Variants in VRK3 observed in about 807,000 individuals in gnomAD.
VRK3 encodes serine/threonine-protein kinase VRK3.
VRK3 carries 50 observed loss-of-function variants against 60.4 expected under a neutral mutation model. The ratio of observed to expected loss-of-function variants is 0.83; its 90% CI spans 0.66 to 1.05. The LOEUF (loss-of-function observed/expected upper bound fraction) is 1.05, where lower values mean the gene tolerates loss of function less well. Among genes scored for constraint, VRK3 ranks in the 50% least tolerant of loss-of-function variants. The pLI, the probability that VRK3 is intolerant of heterozygous loss-of-function variation, is 0.00. For missense variants in VRK3, 549 were observed against 585.3 expected (o/e 0.94, Z 0.64); for synonymous variants, 246 against 227.8 (o/e 1.08, Z -0.72).
intron 4 of VRK3, among the ~76,000 whole-genome samples, chr19:50,008,090 G>A (rs559829351): frequency 1.3e-5 from 2 of 152,242 alleles, no homozygotes; most frequent in South Asian, 2.1e-4. Flanking sequence ...TCTGAGACAG[G>A]GCAGTACAGA....
At chr19:49,995,413 G>T in intron 7 of VRK3, 138 bp from the exon 8 acceptor site, 1 of 702,214 alleles carries the variant, frequency 1.4e-6, no homozygotes, top group Non-Finnish European at 2.5e-6. Context: ...CATTGTGGGT[G>T]GGTGATGGTG....
Position 49,992,879 on chromosome 19 carries a change from T to G in VRK3, c.944A>C (p.Asp315Ala). 6.2e-7 allele frequency: 1 copy of G among 1,614,102 alleles called. No individual in the cohort carries two copies. The highest frequency in any genetic ancestry group is 8.5e-7 in the Non-Finnish European group (1 of 1,180,032). Residue 315 changes from aspartate (D) to alanine (A), a missense_variant, in exon 10 of 15, where the codon GAT (aspartate) becomes GCT (alanine). Transcript: ENST00000316763. Reference protein sequence around the residue: ...GNVTAENIFVDPEDQSQVTLA... With the variant: ...GNVTAENIFVAPEDQSQVTLA... Reference sequence around the variant, plus strand: ...TCTTACCTGACTCTGGTCCTCTGGATCCACAAAGATATTTTCAGCTGTCAC... The same window carrying G: ...TCTTACCTGACTCTGGTCCTCTGGAGCCACAAAGATATTTTCAGCTGTCAC...
At chr19:49,983,644 G>A (rs911990141) in intron 12 of VRK3, among the ~76,000 whole-genome samples, 1 of 152,224 alleles carries the variant, frequency 6.6e-6, no homozygotes, top group Non-Finnish European at 1.5e-5. Flanking sequence ...AGAAAGCCTC[G>A]GGGACTTCAA....
intron 12 of VRK3, among the ~76,000 whole-genome samples, chr19:49,982,395 G>A (rs924181088): frequency 1.3e-5 from 2 of 152,112 alleles, no homozygotes; most frequent in African/African-American, 2.4e-5. Context: ...CTCCTGTCTC[G>A]GCCTCCCAAA....
rs762441852 is a variant in VRK3 at position 49,989,640 on chromosome 19, G to A, written c.1095C>T (p.Cys365=). The A allele has an allele frequency of 3.9e-5, 62 of 1,605,316 alleles. 1 individual carries two copies. The South Asian group carries it at 4.6e-4, about 12-fold the overall frequency. The change falls in exon 11 of 15, where the codon TGC becomes TGT. Residue 365 remains cysteine (C), a splice_region_variant and synonymous_variant. Transcript: ENST00000316763. ...EFISMDLHKG[C]GPSRRSDLQS... is the part of the protein sequence containing the mutation. The stretch of plus-strand genomic sequence containing the variant: ...CCAAACCCATCCCTGGCCTCGTACC[G>A]CATCCCTTGTGCAGGTCCATGCTAA...
rs15983 is a variant in VRK3 at position 49,979,223 on chromosome 19, C to T, written c.1296G>A (p.Leu432=). Residue 432 remains leucine, a synonymous_variant, in exon 14 of 15, where the codon CTG becomes CTA. Coordinates refer to ENST00000316763, the MANE Select transcript of VRK3 (RefSeq NM_016440.4). The part of the protein sequence containing the change: ...IRPSETLQKY[L]KVVMALTYEE... ...CATACGTGAGGGCCATCACCACCTT[C>T]AGGTACTTCTGCAGGGTCTCTGTGG... The T allele has an allele frequency of 0.01, 16,153 of 1,614,028 alleles. 1,413 individuals are homozygous for T. The African/African-American group carries it at 0.19, about 19-fold the overall frequency.
chr19:49,983,441 G>C (rs1324226685), intron 12 of VRK3, among the ~76,000 whole-genome samples: 1 of 152,194 alleles, frequency 6.6e-6, no homozygotes, highest in Non-Finnish European at 1.5e-5. Context: ...TAGGTCCACA[G>C]ATGTCCCATG....
At position 50,015,853 on chromosome 19, in the gene VRK3, A is replaced by G. The variant is rs962278487; in HGVS notation, c.139+171T>C. On this transcript the variant is annotated intron_variant, in intron 3 of 14. Coordinates refer to ENST00000316763, the MANE Select transcript of VRK3 (RefSeq NM_016440.4). ...GACAGTGTTCAAAGCCATGAGGCCAATAAGAGGCCAAGAGACTGATGGTAG... is the reference window on the plus strand; with the variant it reads ...GACAGTGTTCAAAGCCATGAGGCCAGTAAGAGGCCAAGAGACTGATGGTAG... The G allele has an allele frequency of 1.1e-5, 9 of 815,526 alleles. No individual in the cohort carries two copies. The African/African-American group carries it at 1.2e-4, about 11-fold the overall frequency. 50.5% of individuals were successfully genotyped at this position (815,526 alleles called of 1,614,324 possible).
chr19:49,991,213 G>A (rs2076605942), intron 10 of VRK3, among the ~76,000 whole-genome samples: 1 of 152,166 alleles, frequency 6.6e-6, no homozygotes, highest in Admixed American at 6.5e-5. Context: ...GGGGTTTGTA[G>A]ACTGAGCAAG....
chr19:49,982,690 TAGTG>T (rs561745079), intron 12 of VRK3, among the ~76,000 whole-genome samples: 42 of 152,348 alleles, frequency 2.8e-4, no homozygotes, highest in Non-Finnish European at 5.4e-4. Flanking sequence ...CAACTACTTT[TAGTG>T]AGTAAGAGAA....
intron 14 of VRK3, among the ~76,000 whole-genome samples, chr19:49,977,783 A>G (rs959674958): frequency 2.0e-5 from 3 of 152,032 alleles, no homozygotes; most frequent in African/African-American, 4.8e-5. Flanking sequence ...AGGTGGGGGA[A>G]AGAGGGAGAT....
chr19:49,991,616 T>C (rs1033837893), intron 10 of VRK3, among the ~76,000 whole-genome samples: 1 of 152,198 alleles, frequency 6.6e-6, no homozygotes, highest in African/African-American at 2.4e-5. Context: ...TGGGATTGCT[T>C]TTCCCCAGTT....
At chr19:49,979,001 T>C (rs896919934) in intron 14 of VRK3, 82 bp downstream of exon 14, 1 of 1,442,052 alleles carries the variant, frequency 6.9e-7, no homozygotes, top group Non-Finnish European at 9.3e-7. Flanking sequence ...GAACAGCCTC[T>C]GGGAAGTGTC....
chr19:50,014,865 G>A (rs34698085), intron 3 of VRK3, among the ~76,000 whole-genome samples: 27,310 of 152,118 alleles, frequency 0.18, 2,687 homozygotes, highest in East Asian at 0.33. Flanking sequence ...TGGTGGCTGC[G>A]TGAAGACGAC....
chr19:49,993,802 TCTC>T (rs2076653740), intron 9 of VRK3, among the ~76,000 whole-genome samples: 1 of 152,004 alleles, frequency 6.6e-6, no homozygotes, highest in South Asian at 2.1e-4. Flanking sequence ...TTCTGCTCGT[TCTC>T]CTCCTATAGA....
intron 3 of VRK3, among the ~76,000 whole-genome samples, chr19:50,012,143 G>T (rs951242895): frequency 1.3e-5 from 2 of 151,948 alleles, no homozygotes; most frequent in African/African-American, 4.8e-5. Flanking sequence ...AGCTAATTTT[G>T]TATTTTTAGC....
intron 1 of VRK3, among the ~76,000 whole-genome samples, chr19:50,024,710 T>G (rs1462581873): frequency 6.6e-6 from 1 of 152,226 alleles, no homozygotes; most frequent in East Asian, 1.9e-4. Flanking sequence ...TCAATAAAAT[T>G]GGATGTGCTG....
chr19:50,023,395 G>C (rs764864448), intron 1 of VRK3, among the ~76,000 whole-genome samples: 17 of 152,190 alleles, frequency 1.1e-4, no homozygotes, highest in Non-Finnish European at 2.4e-4. Flanking sequence ...ATGTTGGCCA[G>C]GCTGGTCTTA....
chr19:49,977,590 C>T (rs12462227), intron 14 of VRK3, among the ~76,000 whole-genome samples: 16,510 of 152,020 alleles, frequency 0.11, 1,160 homozygotes, highest in East Asian at 0.28. Context: ...CAGAGTCAGA[C>T]GCGACCCTGC....
Sources: gnomAD v4.1 joint callset for allele counts (sites outside exome capture counted in the v4.1 genomes callset) on GRCh38, gnomAD v4.1.1 for gene constraint, MANE v1.5 for transcripts, NCBI Gene and HGNC (gene_info 2026-07-23, HGNC 2026-07-21) for gene names.